VWA5B1: variants seen among roughly 807,000 people sequenced by gnomAD.
The protein encoded by VWA5B1 is von Willebrand factor A domain containing 5B1.
Under a neutral mutation model 118.2 loss-of-function variants are expected in VWA5B1, and 115 were observed. The ratio of observed to expected loss-of-function variants is 0.97; its 90% CI spans 0.84 to 1.14. VWA5B1 has a LOEUF of 1.14. Among genes scored for constraint, VWA5B1 ranks in the 50% most tolerant of loss-of-function variants. VWA5B1 has a pLI of 0.00. For synonymous variants in VWA5B1, 682 were observed against 658.4 expected (o/e 1.04, Z -0.55); for missense variants, 1,596 against 1,603.8 (o/e 1.00, Z 0.08).
chr1:20,348,409 G>A, intron 18 of VWA5B1, 51 bp downstream of exon 18: 1 of 1,532,648 alleles, frequency 6.5e-7, no homozygotes, highest in Non-Finnish European at 8.8e-7. Flanking sequence ...TCGGAAGCCT[G>A]GGCCCCTGAG....
intron 8 of VWA5B1, among the ~76,000 whole-genome samples, chr1:20,323,956 A>G (rs1465995489): frequency 1.3e-5 from 2 of 152,180 alleles, no homozygotes; most frequent in Non-Finnish European, 2.9e-5. Flanking sequence ...GCCATTTTCC[A>G]TATAGAAAAG....
rs1052373863 is a variant in VWA5B1, at chr1:20,354,690, G to A, written c.*427G>A. ...CAGCAATGCCCACTCAAATAAAAGG[G>A]CAGATGAGAGAACCCAGTGACCTCA... On this transcript the variant is annotated 3_prime_UTR_variant, in exon 22 of 22. Transcript: ENST00000289815. 2 of 183,806 alleles carry A rather than the reference G, an allele frequency of 1.1e-5. No individual in the cohort carries two copies. The highest frequency in any genetic ancestry group is 1.6e-4 in the East Asian group (1 of 6,350). 11.4% of individuals were successfully genotyped at this position (183,806 alleles called of 1,614,324 possible).
In VWA5B1 at chr1:20,292,838, T is replaced by C. The variant is rs1046038474; in HGVS notation, c.-27+1750T>C. 6.2e-4 allele frequency among the ~76,000 whole-genome samples: 95 copies of C among 152,110 alleles called. 5 individuals are homozygous for C. The highest frequency in any genetic ancestry group is 1.5e-5 in the Non-Finnish European group (1 of 68,002). ...CATCCAGGTGATGGTGCAGGGCTGG[T>C]GGTCACTGTGCCCGGGTGGGTGGCC... On this transcript the variant is annotated intron_variant, in intron 1 of 21. Transcript: ENST00000289815.
intron 1 of VWA5B1, among the ~76,000 whole-genome samples, chr1:20,299,260 C>T (rs2088461250): frequency 6.6e-6 from 1 of 152,164 alleles, no homozygotes; most frequent in African/African-American, 2.4e-5. Context: ...TCTTAACCTT[C>T]AGCTGGTTCT....
At chr1:20,303,953 T>C (rs529041188) in intron 1 of VWA5B1, among the ~76,000 whole-genome samples, 2 of 152,326 alleles carry the variant, frequency 1.3e-5, no homozygotes, top group Non-Finnish European at 2.9e-5. Context: ...TTGGCCACTT[T>C]CTGGCTGTGT....
chr1:20,322,160 T>C (rs959243240), intron 7 of VWA5B1, among the ~76,000 whole-genome samples: 7 of 151,966 alleles, frequency 4.6e-5, no homozygotes, highest in African/African-American at 7.3e-5. Context: ...TGCTGCAGGA[T>C]GGAATGCGTG....
intron 1 of VWA5B1, among the ~76,000 whole-genome samples, chr1:20,293,048 C>T (rs1243311172): frequency 6.6e-6 from 1 of 152,216 alleles, no homozygotes; most frequent in Non-Finnish European, 1.5e-5. Context: ...GTGCTCTAGA[C>T]ACTGGCGATT....
Position 20,323,357 on chromosome 1 carries a change from C to A in VWA5B1, c.968C>A (p.Thr323Lys). 6.8e-7 allele frequency: 1 copy of A among 1,475,586 alleles called. No homozygotes were observed. Among genetic ancestry groups the A allele is most frequent in the Non-Finnish European group, 9.0e-7 (1 of 1,110,472 alleles). 91.4% of individuals were successfully genotyped at this position (1,475,586 alleles called of 1,614,324 possible). Residue 323 changes from threonine (T) to lysine (K), a missense_variant and splice_region_variant, in exon 8 of 22, where the codon ACA becomes AAA. Thr to Lys is a moderately conservative substitution (Grantham distance 78, BLOSUM62 -1). Coordinates refer to ENST00000289815, the MANE Select transcript of VWA5B1 (RefSeq NM_001039500.3). Reference protein sequence around the residue: ...MKKKSRAERKTEIIRKRLHKD... With the variant: ...MKKKSRAERKKEIIRKRLHKD... ...TCAGAGTGTTCTTTCCTCTTCCAGA[C>A]AGAAATCATTCGAAAACGCCTCCAC...
rs1168671007 is a variant in VWA5B1, at chr1:20,343,262, G to A, written c.2495G>A (p.Gly832Glu). The change falls in exon 16 of 22, where the codon GGG becomes GAG. Residue 832 changes from glycine (G) to glutamate (E), a missense_variant. Gly to Glu is a moderately conservative substitution (Grantham distance 98). Coordinates refer to ENST00000289815, the MANE Select transcript of VWA5B1 (RefSeq NM_001039500.3). ...CAGTGGGAGGTGAGCTTCGAGCTGG[G>A]GACCCCTGGACCGGAGCGGGGCGGC... ...RLQWEVSFEL[G>E]TPGPERGGAQ... is the part of the protein sequence containing the mutation. 2 of 1,548,454 alleles carry A rather than the reference G, an allele frequency of 1.3e-6. No individual in the cohort carries two copies. The highest frequency in any genetic ancestry group is 2.0e-5 in the Admixed American group (1 of 50,968).
chr1:20,310,809 T>C, intron 2 of VWA5B1, 69 bp downstream of exon 2: 1 of 1,449,832 alleles, frequency 6.9e-7, no homozygotes, highest in South Asian at 1.5e-5. Context: ...TTTTGACATT[T>C]ACTCGCTGAC....
At chr1:20,322,890 G>C (rs757269837) in intron 7 of VWA5B1, among the ~76,000 whole-genome samples, 11 of 152,126 alleles carry the variant, frequency 7.2e-5, no homozygotes, top group African/African-American at 2.4e-4. Context: ...ATTTAACAAC[G>C]GGAGAGAATC....
At chr1:20,317,416 GC>G (rs1557841479) in intron 4 of VWA5B1, 113 bp from the exon 5 acceptor site, 3 of 1,406,780 alleles carry the variant, frequency 2.1e-6, no homozygotes, top group African/African-American at 2.9e-5. Flanking sequence ...GGGTCTGGGG[GC>G]CCCCTTGGTG....
At chr1:20,349,410 G>A (rs2090077128) in intron 18 of VWA5B1, 1 of 119,582 alleles carries the variant, frequency 8.4e-6, no homozygotes, top group African/African-American at 3.0e-5. Context: ...TTTAGATGGA[G>A]TCTCACTCTG....
Position 20,312,993 on chromosome 1 carries a change from G to C in VWA5B1, c.292+5G>C. On this transcript the variant is annotated splice_donor_5th_base_variant and intron_variant, in intron 3 of 21. Coordinates refer to ENST00000289815, the MANE Select transcript of VWA5B1 (RefSeq NM_001039500.3). ...TTCGATCCCCAACAGTCACAGGTAA[G>C]GAGACCAGAAGGGCTGCCGCGGGAC... 6.4e-7 allele frequency: 1 copy of C among 1,551,282 alleles called. No homozygotes were observed. The highest frequency in any genetic ancestry group is 1.7e-4 in the Middle Eastern group (1 of 5,990).
intron 2 of VWA5B1, among the ~76,000 whole-genome samples, chr1:20,311,214 C>G (rs2088838733): frequency 6.6e-6 from 1 of 152,226 alleles, no homozygotes; most frequent in African/African-American, 2.4e-5. Flanking sequence ...CTCAAGCAAT[C>G]CACCCACCTC....
Position 20,342,444 on chromosome 1 carries a change from A to C in VWA5B1, c.2146A>C (p.Ser716Arg). The change falls in exon 15 of 22, where the codon AGT (serine) becomes CGT (arginine). Residue 716 changes from serine to arginine, a missense_variant. Coordinates refer to ENST00000289815, the MANE Select transcript of VWA5B1 (RefSeq NM_001039500.3). ...CTTCCATCCCTAGCCCTTGCTGAAC[A>C]GTGGTCAGGACCTGAACCAGGGCCC... ...WQIDLQPLLN[S>R]GQDLNQGPKL... 6.4e-7 allele frequency: 1 copy of C among 1,550,918 alleles called. No individual in the cohort carries two copies. The highest frequency in any genetic ancestry group is 8.7e-7 in the Non-Finnish European group (1 of 1,146,836).
chr1:20,317,379 C>G, intron 4 of VWA5B1, 151 bp from the exon 5 acceptor site: 1 of 1,074,984 alleles, frequency 9.3e-7, no homozygotes, highest in Non-Finnish European at 1.3e-6. Flanking sequence ...CAGGCTCTCC[C>G]TGGGGTCAGG....
In VWA5B1 at chr1:20,319,425, C is replaced by A; in HGVS notation, c.885C>A (p.Thr295=). The A allele has an allele frequency of 6.4e-7, 1 of 1,551,744 alleles. No individual in the cohort carries two copies. Among genetic ancestry groups the A allele is most frequent in the Non-Finnish European group, 8.7e-7 (1 of 1,147,002 alleles). ...TCCTGATAGAGAAAGGGGACATGACCCTGGGAGAGTTTGACCAGCACTTGA... is the reference window on the plus strand; with the variant it reads ...TCCTGATAGAGAAAGGGGACATGACACTGGGAGAGTTTGACCAGCACTTGA... The part of the protein sequence containing the change: ...PHVLIEKGDM[T]LGEFDQHLKG... Residue 295 remains threonine (T), a synonymous_variant, in exon 7 of 22, where the codon ACC becomes ACA. Coordinates refer to ENST00000289815, the MANE Select transcript of VWA5B1 (RefSeq NM_001039500.3).
chr1:20,343,538 C>A, intron 16 of VWA5B1, 145 bp downstream of exon 16: 2 of 1,361,818 alleles, frequency 1.5e-6, no homozygotes, highest in East Asian at 2.6e-5. Context: ...TCCTACCCCA[C>A]CCCCTCCTCA....
Sources: allele counts gnomAD v4.1 joint callset (sites outside exome capture counted in the v4.1 genomes callset), GRCh38; gene constraint gnomAD v4.1.1; transcripts MANE v1.5; gene names NCBI Gene and HGNC (gene_info 2026-07-23, HGNC 2026-07-21).